Variants in GNAQ observed in about 807,000 individuals in gnomAD.
GNAQ encodes G protein subunit alpha q.
Under a neutral mutation model 43.9 loss-of-function variants are expected in GNAQ, and 8 were observed. That is an observed-to-expected ratio of 0.18 (90% CI 0.11 to 0.33). GNAQ has a LOEUF of 0.33. Among genes scored for constraint, GNAQ ranks in the 10% least tolerant of loss-of-function variants. The pLI is 1.00. For missense variants in GNAQ, 158 were observed against 450.8 expected (o/e 0.35, Z 5.88); for synonymous variants, 155 against 170.7 (o/e 0.91, Z 0.71).
intron 2 of GNAQ, among the ~76,000 whole-genome samples, chr9:77,881,236 A>T (rs976863130): frequency 6.6e-6 from 1 of 152,170 alleles, no homozygotes; most frequent in African/African-American, 2.4e-5. Flanking sequence ...CTACACAGAC[A>T]CACATTACAA....
chr9:77,910,060 T>C (rs141390541), intron 2 of GNAQ, among the ~76,000 whole-genome samples: 1 of 152,240 alleles, frequency 6.6e-6, no homozygotes, highest in East Asian at 1.9e-4. Flanking sequence ...GGCAAAACAA[T>C]ATAATAAAGA....
At chr9:78,000,634 C>G (rs145099914) in intron 1 of GNAQ, among the ~76,000 whole-genome samples, 2 of 152,160 alleles carry the variant, frequency 1.3e-5, no homozygotes, top group African/African-American at 4.8e-5. Context: ...GCTAAGATTA[C>G]ATACCAATAA....
At chr9:77,800,525 A>C (rs1336028037) in intron 3 of GNAQ, among the ~76,000 whole-genome samples, 1 of 152,202 alleles carries the variant, frequency 6.6e-6, no homozygotes, top group African/African-American at 2.4e-5. Flanking sequence ...TTCAACAATG[A>C]GAACACATGG....
intron 1 of GNAQ, among the ~76,000 whole-genome samples, chr9:77,964,079 T>C (rs1823137439): frequency 6.6e-6 from 1 of 152,188 alleles, no homozygotes; most frequent in Non-Finnish European, 1.5e-5. Context: ...GTTAATACTT[T>C]TTATCTTTTA....
chr9:77,914,877 G>A (rs1383579813), intron 2 of GNAQ, among the ~76,000 whole-genome samples: 3 of 148,182 alleles, frequency 2.0e-5, no homozygotes, highest in Admixed American at 6.7e-5. Flanking sequence ...TTACAATCAC[G>A]TATGGGATTT....
At chr9:77,964,587 T>C (rs1420211173) in intron 1 of GNAQ, among the ~76,000 whole-genome samples, 1 of 152,102 alleles carries the variant, frequency 6.6e-6, no homozygotes, top group African/African-American at 2.4e-5. Context: ...TAAAATATGG[T>C]CTCAGACTAC....
At chr9:77,821,564 C>G (rs1472857596) in intron 2 of GNAQ, among the ~76,000 whole-genome samples, 1 of 152,146 alleles carries the variant, frequency 6.6e-6, no homozygotes, top group Non-Finnish European at 1.5e-5. Flanking sequence ...AAACCTACAT[C>G]AAACACTTCC....
At chr9:77,826,260 A>T (rs1319364785) in intron 2 of GNAQ, among the ~76,000 whole-genome samples, 3 of 152,158 alleles carry the variant, frequency 2.0e-5, no homozygotes, top group Non-Finnish European at 4.4e-5. Flanking sequence ...CCTGACCCTG[A>T]AATAATCTGA....
intron 5 of GNAQ, among the ~76,000 whole-genome samples, chr9:77,765,951 T>C (rs1430765609): frequency 6.6e-6 from 1 of 152,246 alleles, no homozygotes. Context: ...TAAATCTTGA[T>C]GACATTATGC....
chr9:77,916,850 T>C (rs948272521), intron 2 of GNAQ, among the ~76,000 whole-genome samples: 3 of 152,100 alleles, frequency 2.0e-5, no homozygotes, highest in African/African-American at 7.2e-5. Flanking sequence ...ATTCACTACA[T>C]GAAGAAGCAT....
chr9:77,795,388 G>A (rs1826641205), intron 4 of GNAQ, among the ~76,000 whole-genome samples: 1 of 152,192 alleles, frequency 6.6e-6, no homozygotes, highest in African/African-American at 2.4e-5. Flanking sequence ...GCTTGGCACT[G>A]AGTCAAAGTT....
chr9:78,017,530 A>G (rs1370709579), intron 1 of GNAQ, among the ~76,000 whole-genome samples: 1 of 152,242 alleles, frequency 6.6e-6, no homozygotes, highest in Non-Finnish European at 1.5e-5. Flanking sequence ...TTTGAAAGAA[A>G]AAGAACCATA....
chr9:77,776,511 G>T (rs1359816954), intron 5 of GNAQ, among the ~76,000 whole-genome samples: 1 of 152,100 alleles, frequency 6.6e-6, no homozygotes, highest in Non-Finnish European at 1.5e-5. Context: ...AATCAAGTAG[G>T]CATAACAATT....
At chr9:77,738,132 A>G (rs768713476) in intron 5 of GNAQ, among the ~76,000 whole-genome samples, 5 of 152,234 alleles carry the variant, frequency 3.3e-5, no homozygotes, top group African/African-American at 7.2e-5. Flanking sequence ...GTCATTTTAA[A>G]TTTAATGTAA....
At chr9:77,856,109 G>A (rs1423231259) in intron 2 of GNAQ, among the ~76,000 whole-genome samples, 1 of 152,128 alleles carries the variant, frequency 6.6e-6, no homozygotes, top group Non-Finnish European at 1.5e-5. Context: ...GGTAGTGCTG[G>A]CTTTTCAATG....
chr9:77,906,485 T>A (rs766719217), intron 2 of GNAQ, among the ~76,000 whole-genome samples: 2 of 152,172 alleles, frequency 1.3e-5, no homozygotes, highest in Non-Finnish European at 2.9e-5. Context: ...AGCAATTCCA[T>A]TGCTAGCAGT....
intron 2 of GNAQ, among the ~76,000 whole-genome samples, chr9:77,819,519 C>T (rs1827077905): frequency 6.6e-6 from 1 of 152,084 alleles, no homozygotes; most frequent in African/African-American, 2.4e-5. Context: ...GTCACACCTA[C>T]CCAGAAGTAG....
chr9:77,956,415 T>A (rs1823041075), intron 1 of GNAQ, among the ~76,000 whole-genome samples: 1 of 152,204 alleles, frequency 6.6e-6, no homozygotes, highest in African/African-American at 2.4e-5. Context: ...TCCTTTTTCA[T>A]GTCCTTGGAA....
intron 1 of GNAQ, among the ~76,000 whole-genome samples, chr9:78,010,455 C>A (rs1055176411): frequency 6.6e-6 from 1 of 152,122 alleles, no homozygotes; most frequent in African/African-American, 2.4e-5. Flanking sequence ...TAGAGGGGAA[C>A]AGACTTAACG....
Sources: gnomAD v4.1 joint callset for allele counts (sites outside exome capture counted in the v4.1 genomes callset) on GRCh38, gnomAD v4.1.1 for gene constraint, MANE v1.5 for transcripts, NCBI Gene and HGNC (gene_info 2026-07-23, HGNC 2026-07-21) for gene names.